The following ENTPD1 variants were observed in gnomAD, a reference collection of about 807,000 sequenced individuals.
ENTPD1 encodes ATP diphosphohydrolase.
A neutral mutation model predicts 57.0 loss-of-function variants in ENTPD1; 33 were observed. That is an observed-to-expected ratio of 0.58 (90% CI 0.44 to 0.77). The LOEUF (loss-of-function observed/expected upper bound fraction) is 0.77. ENTPD1 is among the 30% of genes least tolerant of loss of function. The probability of loss-of-function intolerance (pLI) is 0.00; values close to 1 mark genes in which losing one functional copy is unlikely to be tolerated. For missense variants in ENTPD1, 501 were observed against 603.4 expected (o/e 0.83, Z 1.78); for synonymous variants, 202 against 218.8 (o/e 0.92, Z 0.68).
At chr10:95,758,553 A>G (rs2098040689) in intron 1 of ENTPD1, among the ~76,000 whole-genome samples, 1 of 152,166 alleles carries the variant, frequency 6.6e-6, no homozygotes, top group Admixed American at 6.5e-5. Flanking sequence ...AGTTATGCCT[A>G]AGGTGGCACT....
the ENTPD1 span, among the ~76,000 whole-genome samples, chr10:95,705,758 C>G: frequency 6.6e-6 from 1 of 152,152 alleles, no homozygotes; most frequent in East Asian, 1.9e-4. Flanking sequence ...TCCCAAAGTG[C>G]TGGGATTACA....
chr10:95,853,826 C>T (rs192875330), intron 7 of ENTPD1, among the ~76,000 whole-genome samples: 10 of 152,208 alleles, frequency 6.6e-5, no homozygotes, highest in Admixed American at 3.9e-4. Flanking sequence ...CTGCTGGATT[C>T]GGTTTGCCAG....
At chr10:95,715,273 T>C (rs1262271423) in intron 1 of ENTPD1, among the ~76,000 whole-genome samples, 2 of 152,236 alleles carry the variant, frequency 1.3e-5, no homozygotes, top group African/African-American at 2.4e-5. Flanking sequence ...ATGTGTATAA[T>C]TGTTATATTT....
chr10:95,854,420 GTC>G (rs1473756588), intron 7 of ENTPD1, among the ~76,000 whole-genome samples: 1 of 152,134 alleles, frequency 6.6e-6, no homozygotes, highest in Non-Finnish European at 1.5e-5. Flanking sequence ...GGCTTTTTGT[GTC>G]TCTATTTCCT....
At chr10:95,770,568 A>G (rs145945534) in intron 1 of ENTPD1, among the ~76,000 whole-genome samples, 67 of 152,330 alleles carry the variant, frequency 4.4e-4, no homozygotes, top group African/African-American at 1.5e-3. Flanking sequence ...TGTGAAAGAA[A>G]AGCCAGAGGC....
chr10:95,845,852 C>A (rs921755188), intron 6 of ENTPD1: 2 of 548,844 alleles, frequency 3.6e-6, no homozygotes, highest in Admixed American at 3.2e-5. Flanking sequence ...TAATTTCTCC[C>A]CCTCGTGGGG....
chr10:95,750,790 C>T (rs1194074115), upstream of ENTPD1, among the ~76,000 whole-genome samples: 2 of 152,048 alleles, frequency 1.3e-5, no homozygotes, highest in African/African-American at 4.8e-5. Context: ...TTTGGGAGGC[C>T]AAGGTGGGCA....
chr10:95,764,718 ATT>A (rs34082135), intron 1 of ENTPD1, among the ~76,000 whole-genome samples: 150 of 103,536 alleles, frequency 1.4e-3, no homozygotes, highest in East Asian at 2.7e-3. Context: ...TCCTTTGCCC[ATT>A]TTTTTTTTTT....
the ENTPD1 span, among the ~76,000 whole-genome samples, chr10:95,697,958 A>C: frequency 2.0e-5 from 3 of 152,228 alleles, no homozygotes; most frequent in Non-Finnish European, 4.4e-5. Context: ...AGCAGGCTAT[A>C]AAGTGACTGT....
Position 95,873,264 on chromosome 10 carries a change from C to T in ENTPD1, c.*6881C>T, listed in dbSNP as rs11188513. The T allele has an allele frequency of 0.66, 650,331 of 985,100 alleles. 215,992 individuals carry two copies. Among genetic ancestry groups the T allele is most frequent in the Admixed American group, 0.73 (11,796 of 16,264 alleles). The allele number at this position is 985,100 out of a possible 1,614,324, so 61.0% of individuals were successfully genotyped here. A position where few individuals can be genotyped will look rare whatever the true frequency, so the allele number is the denominator to read the frequency against. On this transcript the variant is annotated 3_prime_UTR_variant, in exon 10 of 10. Coordinates refer to ENST00000371205, the MANE Select transcript of ENTPD1 (RefSeq NM_001776.6). ...TCCACTACCTGACTACTGTCATTCACAGGCATTCTGTTCCACAGCAGGCCA... is the reference window on the plus strand; with the variant it reads ...TCCACTACCTGACTACTGTCATTCATAGGCATTCTGTTCCACAGCAGGCCA...
intron 1 of ENTPD1, among the ~76,000 whole-genome samples, chr10:95,748,539 ACTAAT>A: frequency 6.6e-6 from 1 of 152,300 alleles, no homozygotes; most frequent in Middle Eastern, 3.4e-3. Context: ...TCTTTTTGAA[ACTAAT>A]CTCAGATTTC....
At chr10:95,715,828 C>G (rs2097970896) in intron 1 of ENTPD1, among the ~76,000 whole-genome samples, 1 of 152,176 alleles carries the variant, frequency 6.6e-6, no homozygotes, top group African/African-American at 2.4e-5. Flanking sequence ...CCATTTCCCT[C>G]TCCCTCATCC....
chr10:95,795,373 A>G (rs1489163673), intron 1 of ENTPD1, among the ~76,000 whole-genome samples: 1 of 152,162 alleles, frequency 6.6e-6, no homozygotes, highest in Non-Finnish European at 1.5e-5. Flanking sequence ...ATTGAGTTAT[A>G]GAAAGCTACA....
chr10:95,722,055 C>T (rs2097978056), intron 1 of ENTPD1, among the ~76,000 whole-genome samples: 1 of 152,104 alleles, frequency 6.6e-6, no homozygotes, highest in South Asian at 2.1e-4. Flanking sequence ...AAATTTGTGT[C>T]AGAGAGGGTG....
intron 1 of ENTPD1, among the ~76,000 whole-genome samples, chr10:95,796,466 G>C (rs2098226537): frequency 6.6e-6 from 1 of 152,064 alleles, no homozygotes; most frequent in African/African-American, 2.4e-5. Flanking sequence ...ACTGTTTCAG[G>C]TACAAGAAAG....
At chr10:95,860,388 A>C (rs2098463329) in intron 7 of ENTPD1, 81 bp from the exon 8 acceptor site, 1 of 1,141,700 alleles carries the variant, frequency 8.8e-7, no homozygotes, top group African/African-American at 1.5e-5. Context: ...AGGCACCTGC[A>C]CAAGGGATGC....
At chr10:95,719,179 T>G (rs543279019) in intron 1 of ENTPD1, among the ~76,000 whole-genome samples, 16 of 152,356 alleles carry the variant, frequency 1.1e-4, no homozygotes, top group African/African-American at 3.4e-4. Flanking sequence ...ATCAATTTCC[T>G]TACTTAGGTA....
chr10:95,704,545 A>G, the ENTPD1 span, among the ~76,000 whole-genome samples: 1 of 152,212 alleles, frequency 6.6e-6, no homozygotes, highest in Non-Finnish European at 1.5e-5. Flanking sequence ...ACAGTGAGGA[A>G]AGGGTGATTT....
At chr10:95,744,594 C>G in intron 1 of ENTPD1, among the ~76,000 whole-genome samples, 2 of 150,700 alleles carry the variant, frequency 1.3e-5, no homozygotes, top group Non-Finnish European at 1.5e-5. Context: ...GAACTCCAGC[C>G]TCTGTGGCAG....
Sources: allele counts gnomAD v4.1 joint callset (sites outside exome capture counted in the v4.1 genomes callset), GRCh38; gene constraint gnomAD v4.1.1; transcripts MANE v1.5; gene names NCBI Gene and HGNC (gene_info 2026-07-23, HGNC 2026-07-21).